ZNF732: variants seen among roughly 807,000 people sequenced by gnomAD.
ZNF732 encodes zinc finger protein LOC654254.
Under a neutral mutation model 11.5 loss-of-function variants are expected in ZNF732, and 12 were observed. That is an observed-to-expected ratio of 1.05 (90% CI 0.67 to 1.70). The LOEUF (loss-of-function observed/expected upper bound fraction) is 1.70, where lower values mean the gene tolerates loss of function less well. Among genes scored for constraint, ZNF732 ranks in the 40% most tolerant of loss-of-function variants. The probability of loss-of-function intolerance (pLI) is 0.00; values close to 1 mark genes in which losing one functional copy is unlikely to be tolerated. For missense variants in ZNF732, 702 were observed against 676.9 expected (o/e 1.04, Z -0.41); for synonymous variants, 231 against 236.5 (o/e 0.98, Z 0.21).
In ZNF732 at chr4:295,441, G is replaced by T. The variant is rs1301524095; in HGVS notation, c.223C>A (p.Pro75Thr). 1 of 1,602,838 alleles carries T rather than the reference G, an allele frequency of 6.2e-7. No individual in the cohort carries two copies. The highest frequency in any genetic ancestry group is 8.5e-7 in the Non-Finnish European group (1 of 1,174,358). ...TCCTTCATTCACTGTCACCTACCTG[G>T]GTGTTTGGCTACTGTCTCATGTATC... is the stretch of plus-strand genomic sequence containing the variant. Reference protein sequence around the residue: ...VKIHETVAKHPAVCSHFTQDF... With the variant: ...VKIHETVAKHTAVCSHFTQDF... The change falls in exon 3 of 4, where the codon CCA becomes ACA. Residue 75 changes from proline to threonine, a missense_variant. Physicochemically the swap from Pro to Thr is conservative, Grantham distance 38 (BLOSUM62 -1). Coordinates refer to ENST00000419098, the MANE Select transcript of ZNF732 (RefSeq NM_001137608.3).
Position 271,729 on chromosome 4 carries a change from G to A in ZNF732, c.1128C>T (p.Thr376=). 1 of 1,611,924 alleles carries A rather than the reference G, an allele frequency of 6.2e-7. No homozygotes were observed. Among genetic ancestry groups the A allele is most frequent in the Admixed American group, 1.7e-5 (1 of 59,780 alleles). The change falls in exon 4 of 4, where the codon ACC becomes ACT. Residue 376 remains threonine, a synonymous_variant. Transcript: ENST00000419098. The part of the protein sequence containing the change: ...QCGKAFRQSA[T]LNKHKSIHTG... ...TATGAATACTCTTATGTTTATTAAG[G>A]GTTGCGGATTGTCTAAAGGCTTTGC...
intron 3 of ZNF732, among the ~76,000 whole-genome samples, chr4:285,739 G>A (rs983404571): frequency 2.0e-4 from 30 of 152,136 alleles, no homozygotes; most frequent in African/African-American, 7.0e-4. Context: ...GGGCTGCTGT[G>A]ATACCTTTAT....
rs368323802 is a variant in ZNF732 at position 270,781 on chromosome 4, A to G, written c.*318T>C. Reference sequence around the variant, plus strand: ...TTTACATTTGTAGGATTCATCTCCCATATGAATTTTCTTATGTTCACTCAG... The same window carrying G: ...TTTACATTTGTAGGATTCATCTCCCGTATGAATTTTCTTATGTTCACTCAG... On this transcript the variant is annotated 3_prime_UTR_variant, in exon 4 of 4. Coordinates refer to ENST00000419098, the MANE Select transcript of ZNF732 (RefSeq NM_001137608.3). The G allele has an allele frequency of 5.6e-5, 29 of 520,360 alleles. No homozygotes were observed. The highest frequency in any genetic ancestry group is 3.9e-4 in the African/African-American group (20 of 51,844). The allele number at this position is 520,360 out of a possible 1,614,324, so 32.2% of individuals were successfully genotyped here. A position where few individuals can be genotyped will look rare whatever the true frequency, so the allele number is the denominator to read the frequency against.
intron 1 of ZNF732, among the ~76,000 whole-genome samples, chr4:299,364 C>CAT (rs1157444585): frequency 9.7e-6 from 1 of 102,610 alleles, no homozygotes; most frequent in Non-Finnish European, 2.0e-5. Context: ...CATATATACA[C>CAT]ATATGTGTAT....
Position 299,452 on chromosome 4 carries a change from C to T in ZNF732, c.4-3297G>A, listed in dbSNP as rs1164544316. Among the ~76,000 whole-genome samples the T allele has an allele frequency of 6.1e-5, 4 of 65,578 alleles. No individual in the cohort carries two copies. The East Asian group carries it at 1.3e-3, about 22-fold the overall frequency. 43.0% of individuals were successfully genotyped at this position (65,578 alleles called of 152,430 possible). A position where few individuals can be genotyped will look rare whatever the true frequency, so the allele number is the denominator to read the frequency against. The stretch of plus-strand genomic sequence containing the variant: ...ACATATGTGTATATATATATATATA[C>T]ACATATGTGTATATATATATACACA... On this transcript the variant is annotated intron_variant, in intron 1 of 3. Transcript: ENST00000419098.
At chr4:274,365 C>T (rs1172616164) in intron 3 of ZNF732, among the ~76,000 whole-genome samples, 14 of 149,730 alleles carry the variant, frequency 9.4e-5, no homozygotes, top group Admixed American at 9.3e-4. Context: ...CTCAAGATAC[C>T]AGAAAAAAAG....
rs1553837476 is a variant in ZNF732 at position 271,606 on chromosome 4, G to A, written c.1251C>T (p.Pro417=). Residue 417 remains proline (P), a synonymous_variant, in exon 4 of 4, where the codon CCC becomes CCT. Coordinates refer to ENST00000419098, the MANE Select transcript of ZNF732 (RefSeq NM_001137608.3). ...EHKRIHTGER[P]HKCEECGKAF... Reference sequence around the variant, plus strand: ...CTTTGCCACACTCTTCACATTTGTGGGGCCTCTCTCCAGTATGAATTCTCT... The same window carrying A: ...CTTTGCCACACTCTTCACATTTGTGAGGCCTCTCTCCAGTATGAATTCTCT... 3.1e-6 allele frequency: 5 copies of A among 1,612,396 alleles called. No homozygotes were observed. The highest frequency in any genetic ancestry group is 2.2e-5 in the East Asian group (1 of 44,830).
In ZNF732 at chr4:271,289, A is replaced by G; in HGVS notation, c.1568T>C (p.Ile523Thr). The change falls in exon 4 of 4, where the codon ATT becomes ACT. Residue 523 changes from isoleucine to threonine, a missense_variant. Ile to Thr is a moderately conservative substitution (Grantham distance 89, BLOSUM62 -1). This residue lies in a region of ZNF732 where 94 missense variants were observed against 87.5 expected (regional missense o/e 1.07). Coordinates refer to ENST00000419098, the MANE Select transcript of ZNF732 (RefSeq NM_001137608.3). ...TCTATAAGGTTTCTCTCCAGTATGAATTTTCTTATGTTTACTCAGGTATGT... is the reference window on the plus strand; with the variant it reads ...TCTATAAGGTTTCTCTCCAGTATGAGTTTTCTTATGTTTACTCAGGTATGT... Reference protein sequence around the residue: ...WSTYLSKHKKIHTGEKPYRCE... With the variant: ...WSTYLSKHKKTHTGEKPYRCE... The G allele has an allele frequency of 6.3e-7, 1 of 1,592,630 alleles. No individual in the cohort carries two copies. The highest frequency in any genetic ancestry group is 1.1e-5 in the South Asian group (1 of 88,754).
In ZNF732 at chr4:272,239, C is replaced by T. The variant is rs987236989; in HGVS notation, c.618G>A (p.Trp206Ter). The change falls in exon 4 of 4, where the codon TGG becomes TGA. Residue 206 changes from tryptophan (W) to a stop codon, truncating the protein, a stop_gained. Coordinates refer to ENST00000419098, the MANE Select transcript of ZNF732 (RefSeq NM_001137608.3). LOFTEE classifies it low-confidence loss of function (END_TRUNC). ...TCEECGKDFK[W>*]YLIFNEYEII... ...TCTCATATTCATTAAAGATTAAATA[C>T]CATTTAAAGTCTTTGCCACATTCTT... is the stretch of plus-strand genomic sequence containing the variant. The T allele has an allele frequency of 1.9e-6, 3 of 1,612,318 alleles. No homozygotes were observed. Among genetic ancestry groups the T allele is most frequent in the Non-Finnish European group, 2.5e-6 (3 of 1,179,134 alleles).
chr4:287,211 TTAACA>T (rs1208508591), intron 3 of ZNF732, among the ~76,000 whole-genome samples: 1 of 151,778 alleles, frequency 6.6e-6, no homozygotes, highest in Non-Finnish European at 1.5e-5. Flanking sequence ...TATGTGAAAC[TTAACA>T]TACTTTTTTT....
At chr4:277,589 G>A (rs1221846872) in intron 3 of ZNF732, among the ~76,000 whole-genome samples, 1 of 150,688 alleles carries the variant, frequency 6.6e-6, no homozygotes, top group Non-Finnish European at 1.5e-5. Flanking sequence ...TAGAATGACT[G>A]TAATTAGAAA....
intron 1 of ZNF732, among the ~76,000 whole-genome samples, chr4:303,053 G>A (rs1720149635): frequency 6.6e-6 from 1 of 152,116 alleles, no homozygotes; most frequent in Non-Finnish European, 1.5e-5. Context: ...AAAATACTGT[G>A]GCGAGCAATA....
intron 3 of ZNF732, among the ~76,000 whole-genome samples, chr4:280,454 G>A (rs781890628): frequency 2.0e-5 from 3 of 152,016 alleles, no homozygotes; most frequent in Non-Finnish European, 4.4e-5. Flanking sequence ...GGTGGCTGGC[G>A]CATGCCTGTA....
intron 2 of ZNF732, 128 bp from the exon 3 acceptor site, chr4:295,661 A>G: frequency 1.2e-6 from 1 of 841,404 alleles, no homozygotes; most frequent in South Asian, 2.0e-5. Flanking sequence ...GTTTCCTGGC[A>G]GAATCTTTAA....
intron 1 of ZNF732, among the ~76,000 whole-genome samples, chr4:299,321 C>T (rs1306550106): frequency 7.1e-6 from 1 of 141,242 alleles, no homozygotes; most frequent in Non-Finnish European, 1.5e-5. Flanking sequence ...TGAATATACG[C>T]TCCAATTAGA....
chr4:283,435 A>G (rs1343638240), intron 3 of ZNF732, among the ~76,000 whole-genome samples: 1 of 152,154 alleles, frequency 6.6e-6, no homozygotes, highest in Non-Finnish European at 1.5e-5. Flanking sequence ...AAAAAATTCC[A>G]TGCCAGTAAT....
chr4:273,114 A>C (rs1418892344), intron 3 of ZNF732, among the ~76,000 whole-genome samples: 3 of 152,140 alleles, frequency 2.0e-5, no homozygotes, highest in Non-Finnish European at 4.4e-5. Context: ...TGGGTCTGCT[A>C]AGACCAAATG....
chr4:274,964 TTAAA>T (rs1483284081), intron 3 of ZNF732, among the ~76,000 whole-genome samples: 11 of 151,660 alleles, frequency 7.3e-5, no homozygotes, highest in Admixed American at 5.9e-4. Flanking sequence ...AGTAGGATAT[TTAAA>T]TACCCCAGTT....
intron 2 of ZNF732, among the ~76,000 whole-genome samples, 172 bp downstream of exon 2, chr4:295,857 A>G (rs781815994): frequency 6.6e-6 from 1 of 152,242 alleles, no homozygotes; most frequent in Non-Finnish European, 1.5e-5. Flanking sequence ...AGGTTTACGT[A>G]AAGATAAAAC....
Sources: gnomAD v4.1 joint callset for allele counts (sites outside exome capture counted in the v4.1 genomes callset) on GRCh38, gnomAD v4.1.1 for gene constraint, gnomAD v4.1.1 regional missense constraint, MANE v1.5 for transcripts, NCBI Gene and HGNC (gene_info 2026-07-23, HGNC 2026-07-21) for gene names.